The following LARS2 variants were observed in gnomAD, a reference collection of about 807,000 sequenced individuals.
LARS2 encodes the protein leucyl-tRNA synthetase 2, mitochondrial, also known as leucine--tRNA ligase, mitochondrial.
LARS2 carries 81 observed loss-of-function variants against 116.6 expected under a neutral mutation model. The observed-to-expected ratio is 0.69, with a 90% CI of 0.58 to 0.84. The LOEUF (loss-of-function observed/expected upper bound fraction) is 0.84, where lower values mean the gene tolerates loss of function less well. Ranked by LOEUF, LARS2 falls within the 40% of genes least tolerant of loss-of-function variation. The pLI is 0.00. For synonymous variants in LARS2, 396 were observed against 407.2 expected (o/e 0.97, Z 0.33); for missense variants, 968 against 1,114.5 (o/e 0.87, Z 1.87).
intron 14 of LARS2, 127 bp downstream of exon 14, chr3:45,496,500 G>A (rs1325182493): frequency 4.1e-6 from 3 of 739,866 alleles, no homozygotes; most frequent in Non-Finnish European, 7.1e-6. Context: ...TTAAAGGGGA[G>A]AAGAGGAGGA....
At chr3:45,395,274 G>A (rs1025470409) in intron 3 of LARS2, among the ~76,000 whole-genome samples, 2 of 152,226 alleles carry the variant, frequency 1.3e-5, no homozygotes, top group Admixed American at 6.5e-5. Flanking sequence ...TTGTGAACTG[G>A]GGTAGGGTCT....
intron 14 of LARS2, among the ~76,000 whole-genome samples, chr3:45,497,294 C>T (rs1347157498): frequency 2.7e-5 from 4 of 150,820 alleles, no homozygotes; most frequent in Non-Finnish European, 4.4e-5. Context: ...ATTTGAACCC[C>T]GCCCCCCCCA....
chr3:45,401,555 G>A (rs1280427978), intron 4 of LARS2, among the ~76,000 whole-genome samples: 1 of 151,992 alleles, frequency 6.6e-6, no homozygotes, highest in East Asian at 1.9e-4. Context: ...AATTTATTGT[G>A]AGAGAGGAGG....
chr3:45,459,056 G>A (rs1699265837), intron 8 of LARS2, among the ~76,000 whole-genome samples, 170 bp downstream of exon 8: 1 of 152,190 alleles, frequency 6.6e-6, no homozygotes, highest in Non-Finnish European at 1.5e-5. Context: ...CTTAGCTGGT[G>A]ATGGGCTGGT....
chr3:45,477,307 G>A (rs1699631997), intron 10 of LARS2, among the ~76,000 whole-genome samples: 1 of 152,232 alleles, frequency 6.6e-6, no homozygotes, highest in African/African-American at 2.4e-5. Flanking sequence ...AGCTGAAGAG[G>A]CAGTCCGAAG....
chr3:45,396,063 A>G (rs1184866391), intron 3 of LARS2, among the ~76,000 whole-genome samples: 3 of 152,226 alleles, frequency 2.0e-5, no homozygotes, highest in Non-Finnish European at 4.4e-5. Context: ...TTAGATAATC[A>G]TTTATTGACT....
At chr3:45,449,469 AC>A (rs1699078110) in intron 7 of LARS2, among the ~76,000 whole-genome samples, 1 of 152,038 alleles carries the variant, frequency 6.6e-6, no homozygotes, top group Non-Finnish European at 1.5e-5. Flanking sequence ...AGCTGAACTC[AC>A]TTTTATAACA....
intron 10 of LARS2, among the ~76,000 whole-genome samples, chr3:45,481,909 G>A (rs534167744): frequency 6.6e-6 from 1 of 152,096 alleles, no homozygotes; most frequent in East Asian, 1.9e-4. Flanking sequence ...TATCTAAAAC[G>A]CTATTGCCTA....
intron 4 of LARS2, among the ~76,000 whole-genome samples, chr3:45,405,491 C>A (rs1698220246): frequency 6.6e-6 from 1 of 152,112 alleles, no homozygotes; most frequent in Non-Finnish European, 1.5e-5. Context: ...GCATATATAG[C>A]CCAGAATAAT....
intron 5 of LARS2, 70 bp from the exon 6 acceptor site, chr3:45,419,599 C>A: frequency 1.9e-6 from 2 of 1,034,232 alleles, no homozygotes; most frequent in Non-Finnish European, 2.9e-6. Flanking sequence ...CCTTTACATT[C>A]TCAAAGTGTA....
chr3:45,533,141 CTTTTTTTTT>C (rs3085466), intron 20 of LARS2, among the ~76,000 whole-genome samples: 31 of 51,018 alleles, frequency 6.1e-4, no homozygotes, highest in African/African-American at 2.0e-3. Context: ...CACATTAAGT[CTTTTTTTTT>C]TTTTTTTTTT....
chr3:45,516,351 A>G, intron 17 of LARS2, 75 bp downstream of exon 17: 2 of 1,435,104 alleles, frequency 1.4e-6, no homozygotes, highest in Non-Finnish European at 1.9e-6. Context: ...GAGGAAGGAA[A>G]TGTCTTTGCT....
intron 8 of LARS2, among the ~76,000 whole-genome samples, chr3:45,461,726 G>A (rs1244472982): frequency 6.6e-6 from 1 of 152,166 alleles, no homozygotes; most frequent in Non-Finnish European, 1.5e-5. Flanking sequence ...GAGTAGGTTA[G>A]AAAAATACTC....
intron 15 of LARS2, among the ~76,000 whole-genome samples, chr3:45,501,736 G>C (rs1488834027): frequency 6.6e-6 from 1 of 152,192 alleles, no homozygotes; most frequent in Non-Finnish European, 1.5e-5. Context: ...GTGTTCAACT[G>C]TCTTGAGAAA....
chr3:45,403,979 C>T (rs1395087259), intron 4 of LARS2, among the ~76,000 whole-genome samples: 2 of 152,170 alleles, frequency 1.3e-5, no homozygotes. Context: ...GTATCTGGCA[C>T]ATAATAATCC....
chr3:45,533,527 A>T (rs1330213062), intron 20 of LARS2, among the ~76,000 whole-genome samples: 3 of 152,132 alleles, frequency 2.0e-5, no homozygotes, highest in Non-Finnish European at 4.4e-5. Flanking sequence ...ATTTGTGATA[A>T]ACTCACCCAC....
chr3:45,504,616 A>T (rs1324728945), intron 15 of LARS2, among the ~76,000 whole-genome samples: 1 of 152,078 alleles, frequency 6.6e-6, no homozygotes, highest in African/African-American at 2.4e-5. Context: ...TTTAGGTTCT[A>T]GAATTTGCCA....
intron 7 of LARS2, among the ~76,000 whole-genome samples, chr3:45,452,396 T>TA (rs1699148841): frequency 6.7e-6 from 1 of 149,852 alleles, no homozygotes. Context: ...TTTTTTTTTT[T>TA]ATCATGAAGG....
rs535019514 is a variant in LARS2 at position 45,508,249 on chromosome 3, G to T, written c.1761-4886G>T. On this transcript the variant is annotated intron_variant, in intron 15 of 21. Transcript: ENST00000645846. ...GAGAAGGGCAGGCCGCCTGCTGACC[G>T]TGGAGAGCACAGCAAGCCCCTATCC... Among the ~76,000 whole-genome samples, 10 of 152,138 alleles carry T rather than the reference G, an allele frequency of 6.6e-5. 1 individual carries two copies. The highest frequency in any genetic ancestry group is 2.4e-4 in the African/African-American group (10 of 41,560).
Sources: allele counts gnomAD v4.1 joint callset (sites outside exome capture counted in the v4.1 genomes callset), GRCh38; gene constraint gnomAD v4.1.1; transcripts MANE v1.5; gene names NCBI Gene and HGNC (gene_info 2026-07-23, HGNC 2026-07-21).